Variants in ATP5F1C observed in about 807,000 individuals in gnomAD.
ATP5F1C encodes the protein ATP synthase F1 subunit gamma, also known as ATP synthase F(1) complex subunit gamma, mitochondrial.
ATP5F1C carries 22 observed loss-of-function variants against 37.4 expected under a neutral mutation model. The ratio of observed to expected loss-of-function variants is 0.59; its 90% confidence interval spans 0.42 to 0.84. The LOEUF (loss-of-function observed/expected upper bound fraction) is 0.84. Ranked by LOEUF, ATP5F1C falls within the 40% of genes least tolerant of loss-of-function variation. ATP5F1C has a pLI of 0.00. For synonymous variants in ATP5F1C, 121 were observed against 128.0 expected (o/e 0.95, Z 0.37); for missense variants, 286 against 362.4 (o/e 0.79, Z 1.71).
intron 1 of ATP5F1C, among the ~76,000 whole-genome samples, chr10:7,790,370 CTAACGTTTTG>C (rs1176427686): frequency 3.3e-5 from 5 of 152,130 alleles, no homozygotes; most frequent in Non-Finnish European, 5.9e-5. Flanking sequence ...GCAAAATACT[CTAACGTTTTG>C]AAAATTAAAC....
At chr10:7,790,676 G>A (rs1375379250) in intron 1 of ATP5F1C, among the ~76,000 whole-genome samples, 1 of 152,230 alleles carries the variant, frequency 6.6e-6, no homozygotes, top group Non-Finnish European at 1.5e-5. Flanking sequence ...AGTACTGTAT[G>A]AAGAGAGAGA....
chr10:7,804,413 A>C (rs1836434142), intron 8 of ATP5F1C, among the ~76,000 whole-genome samples: 1 of 152,196 alleles, frequency 6.6e-6, no homozygotes, highest in Non-Finnish European at 1.5e-5. Flanking sequence ...ATCTACTTCC[A>C]GATCTACAGA....
chr10:7,797,323 A>C, intron 3 of ATP5F1C, 145 bp downstream of exon 3: 3 of 1,030,658 alleles, frequency 2.9e-6, no homozygotes, highest in Non-Finnish European at 4.2e-6. Context: ...TCCACTTGAC[A>C]CGTAATGATA....
Position 7,788,191 on chromosome 10 carries a change from G to A in ATP5F1C, c.-17G>A. 1 of 1,612,878 alleles carries A rather than the reference G, an allele frequency of 6.2e-7. No homozygotes were observed. The highest frequency in any genetic ancestry group is 8.5e-7 in the Non-Finnish European group (1 of 1,179,884). On this transcript the variant is annotated 5_prime_UTR_variant, in exon 1 of 10. Coordinates refer to ENST00000356708, the MANE Select transcript of ATP5F1C (RefSeq NM_001001973.3). Reference sequence around the variant, plus strand: ...CTGAGGCCTGCCTGACCGACCTTCAGCAGGGCTGTGGCTACCATGTTCTCT... The same window carrying A: ...CTGAGGCCTGCCTGACCGACCTTCAACAGGGCTGTGGCTACCATGTTCTCT...
chr10:7,804,146 G>A (rs748153475), intron 8 of ATP5F1C: 1 of 519,018 alleles, frequency 1.9e-6, no homozygotes. Context: ...CATTTTTAAA[G>A]GGATATAAGA....
rs900782545 is a variant in ATP5F1C, at chr10:7,788,258, G to A, written c.51G>A (p.Pro17=). The A allele has an allele frequency of 1.2e-6, 2 of 1,613,296 alleles. No homozygotes were observed. Among genetic ancestry groups the A allele is most frequent in the East Asian group, 2.2e-5 (1 of 44,868 alleles). The part of the protein sequence containing the change: ...VAGLSAWTLQ[P]QWIQVRNMAT... ...GGCTGTCGGCCTGGACCTTGCAGCC[G>A]CAATGGTATGGCAGCTTGCGGGAAG... Residue 17 remains proline (P), a synonymous_variant, in exon 1 of 10, where the codon CCG becomes CCA. Coordinates refer to ENST00000356708, the MANE Select transcript of ATP5F1C (RefSeq NM_001001973.3).
intron 1 of ATP5F1C, among the ~76,000 whole-genome samples, chr10:7,793,076 T>C (rs1836187146): frequency 6.6e-6 from 1 of 152,208 alleles, no homozygotes; most frequent in Admixed American, 6.5e-5. Flanking sequence ...GACATGATAC[T>C]GAGCATCATC....
chr10:7,806,669 C>A (rs1055009506), intron 8 of ATP5F1C, among the ~76,000 whole-genome samples: 1 of 147,154 alleles, frequency 6.8e-6, no homozygotes, highest in South Asian at 2.2e-4. Context: ...AAAAAAAAAA[C>A]CTCTAAATAT....
intron 2 of ATP5F1C, 177 bp downstream of exon 2, chr10:7,796,332 AC>A: frequency 2.0e-6 from 1 of 496,444 alleles, no homozygotes; most frequent in Non-Finnish European, 3.6e-6. Context: ...GTAAGAAAGG[AC>A]ACCTGAGACA....
intron 1 of ATP5F1C, among the ~76,000 whole-genome samples, chr10:7,793,875 A>G (rs1836198235): frequency 6.6e-6 from 1 of 152,218 alleles, no homozygotes. Flanking sequence ...GTTTGTTGAA[A>G]AGAATATCCT....
Position 7,800,031 on chromosome 10 carries a change from G to A in ATP5F1C, c.577G>A (p.Val193Ile), listed in dbSNP as rs779185611. 1 of 1,613,830 alleles carries A rather than the reference G, an allele frequency of 6.2e-7. No homozygotes were observed. Among genetic ancestry groups the A allele is most frequent in the Non-Finnish European group, 8.5e-7 (1 of 1,179,964 alleles). Residue 193 changes from valine to isoleucine, a missense_variant, in exon 6 of 10, where the codon GTC becomes ATC. Val to Ile is a conservative substitution (Grantham distance 29). Coordinates refer to ENST00000356708, the MANE Select transcript of ATP5F1C (RefSeq NM_001001973.3). Reference sequence around the variant, plus strand: ...ATTTGTTTTTGTCAATTCTAGGTCTGTCATCTCCTATAAGACAGAAGAAAA... The same window carrying A: ...ATTTGTTTTTGTCAATTCTAGGTCTATCATCTCCTATAAGACAGAAGAAAA... ...GSIIFNKFRS[V>I]ISYKTEEKPI...
At chr10:7,791,332 G>A (rs1236277895) in intron 1 of ATP5F1C, among the ~76,000 whole-genome samples, 28 of 152,066 alleles carry the variant, frequency 1.8e-4, no homozygotes. Context: ...GCAGTCATGG[G>A]TGTGGGTTAG....
At position 7,797,103 on chromosome 10, in the gene ATP5F1C, A is replaced by G. The variant is rs778618199; in HGVS notation, c.148A>G (p.Met50Val). 1.1e-5 allele frequency: 17 copies of G among 1,614,208 alleles called. No homozygotes were observed. Among genetic ancestry groups the G allele is most frequent in the Non-Finnish European group, 5.1e-6 (6 of 1,180,034 alleles). Reference sequence around the variant, plus strand: ...CCAGAAAATTACCAAGTCTATGAAAATGGTAGCGGCAGCAAAATATGCCCG... The same window carrying G: ...CCAGAAAATTACCAAGTCTATGAAAGTGGTAGCGGCAGCAAAATATGCCCG... Reference protein sequence around the residue: ...NIQKITKSMKMVAAAKYARAE... With the variant: ...NIQKITKSMKVVAAAKYARAE... Residue 50 changes from methionine to valine, a missense_variant, in exon 3 of 10, where the codon ATG (methionine) becomes GTG (valine). Coordinates refer to ENST00000356708, the MANE Select transcript of ATP5F1C (RefSeq NM_001001973.3).
chr10:7,793,755 T>G (rs1301732851), intron 1 of ATP5F1C, among the ~76,000 whole-genome samples: 2 of 152,250 alleles, frequency 1.3e-5, no homozygotes, highest in African/African-American at 2.4e-5. Flanking sequence ...GGTTTGGCAT[T>G]TTATATTTAG....
At chr10:7,800,930 TTGTC>T (rs1360430615) in intron 6 of ATP5F1C, among the ~76,000 whole-genome samples, 3 of 152,262 alleles carry the variant, frequency 2.0e-5, no homozygotes, top group African/African-American at 4.8e-5. Flanking sequence ...TTAGATTTTT[TTGTC>T]CTCAAGGATT....
chr10:7,792,514 T>G (rs1468427187), intron 1 of ATP5F1C, among the ~76,000 whole-genome samples: 1 of 152,204 alleles, frequency 6.6e-6, no homozygotes, highest in African/African-American at 2.4e-5. Context: ...AAATCCCTCC[T>G]CTACTCTCCC....
At chr10:7,806,751 T>G (rs1349857668) in intron 8 of ATP5F1C, among the ~76,000 whole-genome samples, 1 of 152,228 alleles carries the variant, frequency 6.6e-6, no homozygotes, top group African/African-American at 2.4e-5. Flanking sequence ...CATGAGCATG[T>G]TTTTATTGCT....
In ATP5F1C at chr10:7,794,617, A is replaced by AT. The variant is rs71515487; in HGVS notation, c.57-1498dup. 6.1e-3 allele frequency among the ~76,000 whole-genome samples: 926 copies of AT among 150,860 alleles called. 8 individuals are homozygous for AT. Among genetic ancestry groups the AT allele is most frequent in the South Asian group, 0.024 (113 of 4,794 alleles). On this transcript the variant is annotated intron_variant, in intron 1 of 9. Transcript: ENST00000356708. ...TTTTTCTGCACCTATTGATTGTATG[A>AT]TTTTTTCTTTAACCTGTTGACGTAA... is the stretch of plus-strand genomic sequence containing the variant.
chr10:7,789,027 A>C (rs899663218), intron 1 of ATP5F1C, among the ~76,000 whole-genome samples: 2 of 152,000 alleles, frequency 1.3e-5, no homozygotes, highest in Non-Finnish European at 2.9e-5. Flanking sequence ...ATGCAACTAA[A>C]GGGTGCCACG....
Sources: gnomAD v4.1 joint callset for allele counts (sites outside exome capture counted in the v4.1 genomes callset) on GRCh38, gnomAD v4.1.1 for gene constraint, MANE v1.5 for transcripts, NCBI Gene and HGNC (gene_info 2026-07-23, HGNC 2026-07-21) for gene names.